The following FBRSL1 variants were observed in gnomAD, a reference collection of about 807,000 sequenced individuals.
FBRSL1 encodes fibrosin-1-like protein.
Under a neutral mutation model 89.6 loss-of-function variants are expected in FBRSL1, and 51 were observed. That is an observed-to-expected ratio of 0.57 (90% CI 0.45 to 0.72). The LOEUF is 0.72. Among genes scored for constraint, FBRSL1 ranks in the 30% least tolerant of loss-of-function variants. FBRSL1 has a pLI of 0.00. For synonymous variants in FBRSL1, 779 were observed against 681.1 expected (o/e 1.14, Z -2.24); for missense variants, 1,618 against 1,451.8 (o/e 1.11, Z -1.86).
chr12:132,541,738 G>A (rs139933217), intron 4 of FBRSL1, among the ~76,000 whole-genome samples: 505 of 152,374 alleles, frequency 3.3e-3, no homozygotes, highest in Non-Finnish European at 5.6e-3. Flanking sequence ...TATTTCAGCC[G>A]AATCGCTTGA....
intron 2 of FBRSL1, chr12:132,509,983 G>A (rs553632522): frequency 1.5e-5 from 19 of 1,231,628 alleles, no homozygotes; most frequent in South Asian, 4.1e-5. Flanking sequence ...CGCCCCCGGC[G>A]GTCGCTGCTG....
chr12:132,520,728 C>T (rs113353421), intron 2 of FBRSL1, among the ~76,000 whole-genome samples: 255 of 152,304 alleles, frequency 1.7e-3, no homozygotes, highest in African/African-American at 5.8e-3. Context: ...TCGGGCTCTG[C>T]TCTTGCTGAA....
At chr12:132,543,109 G>A (rs1014462988) in intron 4 of FBRSL1, among the ~76,000 whole-genome samples, 5 of 152,170 alleles carry the variant, frequency 3.3e-5, no homozygotes, top group African/African-American at 1.2e-4. Context: ...AAGGGGGAGG[G>A]GTTGGTGGCA....
At chr12:132,492,248 T>G (rs1221147039) in intron 1 of FBRSL1, among the ~76,000 whole-genome samples, 2 of 152,216 alleles carry the variant, frequency 1.3e-5, no homozygotes, top group Admixed American at 1.3e-4. Context: ...TCAGCCCTTG[T>G]ACCCTGCCGT....
At chr12:132,509,840 G>T (rs2034126823) in intron 2 of FBRSL1, 1 of 1,231,974 alleles carries the variant, frequency 8.1e-7, no homozygotes, top group South Asian at 4.1e-5. Flanking sequence ...AGCCCCCGCG[G>T]CCACTCCTCA....
Position 132,508,180 on chromosome 12 carries a change from C to T in FBRSL1, c.319C>T (p.Arg107Trp), listed in dbSNP as rs985011319. The T allele has an allele frequency of 1.1e-5, 17 of 1,551,076 alleles. No individual in the cohort carries two copies. In the East Asian group the frequency reaches 2.0e-4, roughly 18 times the overall value. The change falls in exon 2 of 19, where the codon CGG (arginine) becomes TGG (tryptophan). Residue 107 changes from arginine to tryptophan, a missense_variant. Coordinates refer to ENST00000680143, the MANE Select transcript of FBRSL1 (RefSeq NM_001367871.1). ...EKDMALKPHE[R>W]KEKWERRLIK... ...GGATATGGCCCTGAAGCCACATGAG[C>T]GGAAGGAGAAGTGGGAGCGTCGTCT...
intron 5 of FBRSL1, chr12:132,554,034 T>A (rs2038412242): frequency 6.6e-6 from 1 of 152,198 alleles, no homozygotes; most frequent in Non-Finnish European, 1.5e-5. Flanking sequence ...CCCCGTGATG[T>A]CCCCGTCACA....
At chr12:132,572,093 C>T (rs556856961) in intron 9 of FBRSL1, 195 bp from the exon 10 acceptor site, 30 of 594,178 alleles carry the variant, frequency 5.0e-5, no homozygotes, top group Middle Eastern at 4.4e-4. Flanking sequence ...ATGGCAGGGC[C>T]GCCCTGGTCT....
chr12:132,519,994 G>C (rs564295860), intron 2 of FBRSL1, among the ~76,000 whole-genome samples: 21 of 151,886 alleles, frequency 1.4e-4, no homozygotes, highest in African/African-American at 4.8e-4. Context: ...CAGGCAGCGT[G>C]TATGGGTGGT....
In FBRSL1 at chr12:132,510,450, C is replaced by G. The variant is rs1227947665; in HGVS notation, c.489+2100C>G. 6.5e-6 allele frequency: 8 copies of G among 1,231,968 alleles called. 1 individual carries two copies. In the African/African-American group the frequency reaches 9.3e-5, roughly 14 times the overall value. The allele number at this position is 1,231,968 out of a possible 1,614,324, so 76.3% of individuals were successfully genotyped here. Reference sequence around the variant, plus strand: ...ATCTGTGAGCCCTGGAGCCTGATGCCTGCAGGCACCTCCCCATATGGGTTT... The same window carrying G: ...ATCTGTGAGCCCTGGAGCCTGATGCGTGCAGGCACCTCCCCATATGGGTTT... On this transcript the variant is annotated intron_variant, in intron 2 of 18. Coordinates refer to ENST00000680143, the MANE Select transcript of FBRSL1 (RefSeq NM_001367871.1).
intron 4 of FBRSL1, 90 bp from the exon 5 acceptor site, chr12:132,547,913 C>T (rs561505295): frequency 2.2e-5 from 32 of 1,424,984 alleles, no homozygotes; most frequent in Admixed American, 6.0e-5. Flanking sequence ...CCGCCCCACC[C>T]GTGCCCCTGC....
At chr12:132,559,274 G>A (rs1192921972) in intron 5 of FBRSL1, among the ~76,000 whole-genome samples, 2 of 152,246 alleles carry the variant, frequency 1.3e-5, no homozygotes, top group Non-Finnish European at 2.9e-5. Flanking sequence ...CTCCGACTTT[G>A]CACCCCCGTT....
At chr12:132,523,890 G>A (rs1308350411) in intron 2 of FBRSL1, among the ~76,000 whole-genome samples, 1 of 152,202 alleles carries the variant, frequency 6.6e-6, no homozygotes, top group East Asian at 1.9e-4. Context: ...AACCCCTGAT[G>A]GCCCCAGCAG....
chr12:132,583,364 C>A lies in FBRSL1; in HGVS notation c.2595C>A (p.Phe865Leu). 1 of 1,122,746 alleles carries A rather than the reference C, an allele frequency of 8.9e-7. No homozygotes were observed. The highest frequency in any genetic ancestry group is 2.8e-5 in the South Asian group (1 of 35,714). 69.5% of individuals were successfully genotyped at this position (1,122,746 alleles called of 1,614,324 possible). Reference sequence around the variant, plus strand: ...GCCTGGAGCTGCCACGTCGCGCCTTCCCCGCTGCCGCCCCCGCCCCGGGCT... The same window carrying A: ...GCCTGGAGCTGCCACGTCGCGCCTTACCCGCTGCCGCCCCCGCCCCGGGCT... ...FRGLELPRRA[F>L]PAAAPAPGSA... is the part of the protein sequence containing the mutation. The change falls in exon 19 of 19, where the codon TTC becomes TTA. Residue 865 changes from phenylalanine to leucine, a missense_variant. Transcript: ENST00000680143.
chr12:132,507,362 G>T, intron 1 of FBRSL1: 2 of 985,472 alleles, frequency 2.0e-6, no homozygotes, highest in Non-Finnish European at 2.4e-6. Context: ...CAGCCCTGGT[G>T]CCAGGAGCTG....
At position 132,548,912 on chromosome 12, in the gene FBRSL1, C is replaced by T. The variant is rs554905124; in HGVS notation, c.645+880C>T. Among the ~76,000 whole-genome samples, 201 of 152,290 alleles carry T rather than the reference C, an allele frequency of 1.3e-3. 1 individual carries two copies. Among genetic ancestry groups the T allele is most frequent in the African/African-American group, 4.7e-3 (196 of 41,556 alleles). ...TCGCCCTGAGCCAGGGAGACGCTGCCCTGGGTTTCCAGGCAGGTTTTTATG... is the reference window on the plus strand; with the variant it reads ...TCGCCCTGAGCCAGGGAGACGCTGCTCTGGGTTTCCAGGCAGGTTTTTATG... On this transcript the variant is annotated intron_variant, in intron 5 of 18. Coordinates refer to ENST00000680143, the MANE Select transcript of FBRSL1 (RefSeq NM_001367871.1).
chr12:132,559,925 G>T (rs1412302626), intron 5 of FBRSL1: 2 of 148,664 alleles, frequency 1.3e-5, no homozygotes, highest in African/African-American at 4.9e-5. Flanking sequence ...GTCTGCCCGC[G>T]CCCCGCCCCC....
Position 132,574,115 on chromosome 12 carries a change from G to A in FBRSL1, c.1556G>A (p.Arg519His), listed in dbSNP as rs541765992. The A allele has an allele frequency of 2.4e-5, 32 of 1,352,802 alleles. No individual in the cohort carries two copies. The highest frequency in any genetic ancestry group is 3.6e-5 in the Admixed American group (1 of 27,718). The allele number at this position is 1,352,802 out of a possible 1,614,324, so 83.8% of individuals were successfully genotyped here. A position where few individuals can be genotyped will look rare whatever the true frequency, so the allele number is the denominator to read the frequency against. ...PKTSSPIEVA[R>H]RAGAVHTLLQ... ...ACTTCAAGCCCCATTGAGGTGGCCC[G>A]CCGGGCTGGTGCGGTTCACACACTC... Residue 519 changes from arginine to histidine, a missense_variant, in exon 12 of 19, where the codon CGC becomes CAC. Transcript: ENST00000680143.
intron 1 of FBRSL1, among the ~76,000 whole-genome samples, chr12:132,502,053 T>C (rs961029879): frequency 6.6e-6 from 1 of 152,206 alleles, no homozygotes; most frequent in Non-Finnish European, 1.5e-5. Context: ...ACGGGACATA[T>C]GTTGGTTTTG....
Sources: gnomAD v4.1 joint callset for allele counts (sites outside exome capture counted in the v4.1 genomes callset) on GRCh38, gnomAD v4.1.1 for gene constraint, MANE v1.5 for transcripts, NCBI Gene and HGNC (gene_info 2026-07-23, HGNC 2026-07-21) for gene names.